ICA1: variants seen among roughly 807,000 people sequenced by gnomAD.
ICA1 encodes islet cell autoantigen 1.
Under a neutral mutation model 71.0 loss-of-function variants are expected in ICA1, and 40 were observed. The ratio of observed to expected loss-of-function variants is 0.56; its 90% CI spans 0.44 to 0.73. The LOEUF is 0.73. ICA1 is among the 30% of genes least tolerant of loss of function. The pLI, the probability that ICA1 is intolerant of heterozygous loss-of-function variation, is 0.00. For missense variants in ICA1, 578 were observed against 576.5 expected (o/e 1.00, Z -0.03); for synonymous variants, 207 against 209.5 (o/e 0.99, Z 0.10).
At chr7:8,244,190 G>T (rs1805045731) in intron 1 of ICA1, among the ~76,000 whole-genome samples, 1 of 152,168 alleles carries the variant, frequency 6.6e-6, no homozygotes, top group South Asian at 2.1e-4. Context: ...AAAACAGCAT[G>T]GTACTGGTAT....
intron 8 of ICA1, among the ~76,000 whole-genome samples, chr7:8,147,183 C>T (rs570894284): frequency 2.6e-5 from 4 of 152,258 alleles, no homozygotes; most frequent in African/African-American, 9.6e-5. Flanking sequence ...GACAGCTCCA[C>T]GGTTATCATC....
intron 1 of ICA1, among the ~76,000 whole-genome samples, chr7:8,247,467 AAAAG>A: frequency 6.6e-6 from 1 of 151,544 alleles, no homozygotes; most frequent in Middle Eastern, 3.4e-3. Context: ...ATCAAAAAAG[AAAAG>A]AAAAAAGAAA....
intron 6 of ICA1, among the ~76,000 whole-genome samples, chr7:8,160,850 T>C (rs1329156355): frequency 1.3e-5 from 2 of 152,146 alleles, no homozygotes; most frequent in Non-Finnish European, 2.9e-5. Flanking sequence ...GAGTCTAGGA[T>C]GAGTAAGTGT....
intron 9 of ICA1, 57 bp from the exon 10 acceptor site, chr7:8,141,874 C>T: frequency 7.3e-7 from 1 of 1,377,910 alleles, no homozygotes; most frequent in Non-Finnish European, 1.0e-6. Context: ...ATTTATGATA[C>T]AGCCAGACTT....
chr7:8,148,746 T>G (rs1348455011), intron 8 of ICA1, among the ~76,000 whole-genome samples: 1 of 152,100 alleles, frequency 6.6e-6, no homozygotes, highest in Non-Finnish European at 1.5e-5. Context: ...AAATACTCTT[T>G]GATATAGCAA....
chr7:8,250,490 G>A (rs544589039), intron 1 of ICA1, among the ~76,000 whole-genome samples: 8 of 152,266 alleles, frequency 5.3e-5, no homozygotes, highest in African/African-American at 1.9e-4. Context: ...TTTTTAATGG[G>A]TGTTTTTCCT....
At chr7:8,118,814 G>T (rs1785643763) in intron 13 of ICA1, among the ~76,000 whole-genome samples, 1 of 152,078 alleles carries the variant, frequency 6.6e-6, no homozygotes, top group Admixed American at 6.6e-5. Context: ...CCTGCAGCTT[G>T]CCCTCAGTCT....
rs973905335 is a variant in ICA1, at chr7:8,222,353, C to T, written c.257-955G>A. The stretch of plus-strand genomic sequence containing the variant: ...CACTTAGCTTCCTCGGATGTGCTTT[C>T]CCCCTAAACACAGCATTTACTATCA... On this transcript the variant is annotated intron_variant, in intron 4 of 13. Coordinates refer to ENST00000402384, the MANE Select transcript of ICA1 (RefSeq NM_001136020.3). The surrounding 1 kb of genome is among the most constrained non-coding windows in gnomAD (Gnocchi z 4.8). Among the ~76,000 whole-genome samples the T allele has an allele frequency of 2.6e-5, 4 of 152,146 alleles. No homozygotes were observed. The highest frequency in any genetic ancestry group is 5.9e-5 in the Non-Finnish European group (4 of 68,020).
At chr7:8,245,985 T>C (rs138135669) in intron 1 of ICA1, among the ~76,000 whole-genome samples, 4 of 152,316 alleles carry the variant, frequency 2.6e-5, no homozygotes, top group African/African-American at 9.6e-5. Flanking sequence ...TAAAATTGAA[T>C]AAAGTCTATG....
intron 1 of ICA1, among the ~76,000 whole-genome samples, chr7:8,252,167 CA>C (rs1421697928): frequency 6.6e-6 from 1 of 152,138 alleles, no homozygotes; most frequent in Non-Finnish European, 1.5e-5. Flanking sequence ...ACATAAATTT[CA>C]AATATCAAAT....
chr7:8,114,408 GA>G (rs1441810075), intron 13 of ICA1, among the ~76,000 whole-genome samples: 2 of 152,236 alleles, frequency 1.3e-5, no homozygotes, highest in African/African-American at 4.8e-5. Context: ...AATGGCTGAG[GA>G]AGCAAGGGGC....
chr7:8,136,589 C>A (rs1336492008), intron 12 of ICA1, among the ~76,000 whole-genome samples: 1 of 152,176 alleles, frequency 6.6e-6, no homozygotes, highest in Middle Eastern at 3.2e-3. Flanking sequence ...CAGAGGCAGA[C>A]AGTGGGGCAG....
At chr7:8,231,247 G>C (rs1348829261) in intron 3 of ICA1, among the ~76,000 whole-genome samples, 1 of 152,094 alleles carries the variant, frequency 6.6e-6, no homozygotes, top group Non-Finnish European at 1.5e-5. Context: ...TGAGAACTGA[G>C]ACAAGGCCAT....
chr7:8,200,737 T>G (rs1789360032), intron 6 of ICA1, among the ~76,000 whole-genome samples: 1 of 152,322 alleles, frequency 6.6e-6, no homozygotes, highest in South Asian at 2.1e-4. Context: ...TCATGAAGAT[T>G]TAAGCCACAG....
At chr7:8,133,048 G>C (rs925022100) in intron 12 of ICA1, among the ~76,000 whole-genome samples, 9 of 152,174 alleles carry the variant, frequency 5.9e-5, no homozygotes, top group African/African-American at 2.2e-4. Context: ...GGGTCATGAG[G>C]GCTCTGCCCT....
chr7:8,155,579 C>G (rs187722042), intron 8 of ICA1, among the ~76,000 whole-genome samples: 17 of 152,298 alleles, frequency 1.1e-4, no homozygotes, highest in Admixed American at 8.5e-4. Context: ...ATCATTTCAT[C>G]TTCTAACTGG....
chr7:8,165,082 A>AAAAC (rs750952749), intron 6 of ICA1, among the ~76,000 whole-genome samples: 3 of 152,142 alleles, frequency 2.0e-5, no homozygotes, highest in Non-Finnish European at 2.9e-5. Flanking sequence ...CCCTGTCTCA[A>AAAAC]AAACAAACAA....
intron 12 of ICA1, among the ~76,000 whole-genome samples, chr7:8,129,366 G>C (rs1407410490): frequency 1.4e-5 from 2 of 143,708 alleles, no homozygotes; most frequent in East Asian, 1.9e-4. Context: ...GTAAGTAAAG[G>C]CTTTTTTTTT....
At chr7:8,138,285 G>T (rs1794084238) in intron 12 of ICA1, among the ~76,000 whole-genome samples, 1 of 152,032 alleles carries the variant, frequency 6.6e-6, no homozygotes, top group South Asian at 2.1e-4. Context: ...TCTACCTAAG[G>T]GTCAGTAGAG....
Sources: allele counts gnomAD v4.1 joint callset (sites outside exome capture counted in the v4.1 genomes callset), GRCh38; gene constraint gnomAD v4.1.1; non-coding constraint Gnocchi (gnomAD v3.1); transcripts MANE v1.5; gene names NCBI Gene and HGNC (gene_info 2026-07-23, HGNC 2026-07-21).